PTP4A3: variants seen among roughly 807,000 people sequenced by gnomAD.
The protein encoded by PTP4A3 is protein tyrosine phosphatase type IVA 3.
A neutral mutation model predicts 15.2 loss-of-function variants in PTP4A3; 9 were observed. The ratio of observed to expected loss-of-function variants is 0.59; its 90% CI spans 0.36 to 1.03. The LOEUF is 1.03. Among genes scored for constraint, PTP4A3 ranks in the 50% least tolerant of loss-of-function variants. PTP4A3 has a pLI of 0.02. For missense variants in PTP4A3, 234 were observed against 252.1 expected (o/e 0.93, Z 0.49); for synonymous variants, 95 against 102.0 (o/e 0.93, Z 0.41).
chr8:141,394,369 G>A (rs1295910693), intron 1 of PTP4A3, among the ~76,000 whole-genome samples: 2 of 152,064 alleles, frequency 1.3e-5, no homozygotes, highest in African/African-American at 2.4e-5. Flanking sequence ...CTGACCAAAG[G>A]CTGTAACCAG....
rs201532208 is a variant in PTP4A3 at position 141,422,221 on chromosome 8, C to A, written c.-20C>A. Reference sequence around the variant, plus strand: ...TTCTCTGCAGTCCCTTCTGCCCTGCCGGGCCCGTCGGGAGGCGCCATGGCT... The same window carrying A: ...TTCTCTGCAGTCCCTTCTGCCCTGCAGGGCCCGTCGGGAGGCGCCATGGCT... On this transcript the variant is annotated 5_prime_UTR_variant, in exon 2 of 6. Transcript: ENST00000521578. The A allele has an allele frequency of 6.2e-7, 1 of 1,612,502 alleles. No homozygotes were observed. The highest frequency in any genetic ancestry group is 8.5e-7 in the Non-Finnish European group (1 of 1,179,714).
intron 1 of PTP4A3, among the ~76,000 whole-genome samples, chr8:141,420,548 C>T (rs1236342086): frequency 1.3e-5 from 2 of 152,220 alleles, no homozygotes; most frequent in Non-Finnish European, 2.9e-5. Flanking sequence ...CGCCTCCCCT[C>T]TTCAGGGCCC....
At chr8:141,402,734 TC>T (rs1413156507) in intron 1 of PTP4A3, among the ~76,000 whole-genome samples, 1 of 21,178 alleles carries the variant, frequency 4.7e-5, no homozygotes, top group Non-Finnish European at 1.0e-4. Flanking sequence ...CCCCCACCCC[TC>T]CCCCCTGCTT....
At chr8:141,426,647 G>C (rs2130288965) in intron 3 of PTP4A3, 5 of 985,448 alleles carry the variant, frequency 5.1e-6, no homozygotes, top group Non-Finnish European at 6.0e-6. Flanking sequence ...ATTAGGATTT[G>C]TGCGACTCTG....
intron 3 of PTP4A3, chr8:141,426,402 C>CGTT (rs1469496176): frequency 2.0e-6 from 2 of 980,996 alleles, no homozygotes; most frequent in African/African-American, 3.5e-5. Flanking sequence ...CCCGGTGGAA[C>CGTT]CGCCTGTTTC....
At chr8:141,400,020 G>A (rs930235200) in intron 1 of PTP4A3, among the ~76,000 whole-genome samples, 2 of 152,246 alleles carry the variant, frequency 1.3e-5, no homozygotes, top group African/African-American at 4.8e-5. Flanking sequence ...CGATTCTCCT[G>A]ACTCAGCCTC....
Position 141,431,187 on chromosome 8 carries a change from T to G in PTP4A3, c.*143T>G. ...ACATCGCCTTTTCCTCCCCGACACC[T>G]CCGTGCACTTGTGTCCGAGGAGCGA... On this transcript the variant is annotated 3_prime_UTR_variant, in exon 6 of 6. Coordinates refer to ENST00000521578, the MANE Select transcript of PTP4A3 (RefSeq NM_032611.3). 1.3e-6 allele frequency: 1 copy of G among 747,394 alleles called. No homozygotes were observed. The highest frequency in any genetic ancestry group is 2.2e-6 in the Non-Finnish European group (1 of 446,478). 46.3% of individuals were successfully genotyped at this position (747,394 alleles called of 1,614,324 possible). A position where few individuals can be genotyped will look rare whatever the true frequency, so the allele number is the denominator to read the frequency against.
In PTP4A3 at chr8:141,425,237, T is replaced by C; in HGVS notation, c.198+97T>C. On this transcript the variant is annotated intron_variant, in intron 3 of 5. Coordinates refer to ENST00000521578, the MANE Select transcript of PTP4A3 (RefSeq NM_032611.3). The surrounding 1 kb of genome is among the most constrained non-coding windows in gnomAD (Gnocchi z 4.2). The stretch of plus-strand genomic sequence containing the variant: ...TGCGCAGAGGGTTTGGTGCCCCTCC[T>C]GTGGCAGCCCTGGGCATGTCTGTGC... 2 of 1,250,420 alleles carry C rather than the reference T, an allele frequency of 1.6e-6. No individual in the cohort carries two copies. The highest frequency in any genetic ancestry group is 2.2e-6 in the Non-Finnish European group (2 of 891,018). The allele number at this position is 1,250,420 out of a possible 1,614,324, so 77.5% of individuals were successfully genotyped here. A position where few individuals can be genotyped will look rare whatever the true frequency, so the allele number is the denominator to read the frequency against.
At chr8:141,393,398 G>T (rs1310757726) in intron 1 of PTP4A3, among the ~76,000 whole-genome samples, 1 of 152,234 alleles carries the variant, frequency 6.6e-6, no homozygotes, top group Non-Finnish European at 1.5e-5. Flanking sequence ...AGGAGGAGAA[G>T]CTGCCCTGTG....
chr8:141,397,343 G>A (rs1223290205), intron 1 of PTP4A3, among the ~76,000 whole-genome samples: 1 of 152,216 alleles, frequency 6.6e-6, no homozygotes, highest in Non-Finnish European at 1.5e-5. Context: ...CTCTGAAGGA[G>A]GTCCCAGTGA....
intron 1 of PTP4A3, among the ~76,000 whole-genome samples, chr8:141,393,115 G>A (rs1360169277): frequency 6.6e-6 from 1 of 152,146 alleles, no homozygotes; most frequent in Non-Finnish European, 1.5e-5. Context: ...GACAGAAGCC[G>A]CCTGGCAGCC....
intron 5 of PTP4A3, among the ~76,000 whole-genome samples, chr8:141,429,025 C>G (rs1450394293): frequency 6.6e-6 from 1 of 152,256 alleles, no homozygotes; most frequent in Admixed American, 6.5e-5. Context: ...CTGTGTGGCT[C>G]CCCGCACCTG....
At chr8:141,427,887 C>G (rs977156008) in intron 5 of PTP4A3, 63 bp downstream of exon 5, 1 of 1,437,252 alleles carries the variant, frequency 7.0e-7, no homozygotes, top group Non-Finnish European at 9.5e-7. Flanking sequence ...CGGCTGCCCA[C>G]GAAGGGTGGC....
At chr8:141,410,081 C>T (rs1035703890) in intron 1 of PTP4A3, among the ~76,000 whole-genome samples, 7 of 152,178 alleles carry the variant, frequency 4.6e-5, no homozygotes, top group Admixed American at 1.3e-4. Flanking sequence ...GCCCCTGCTG[C>T]GGACGGTCAC....
chr8:141,406,530 T>C lies in PTP4A3; in HGVS notation c.-854+14446T>C, dbSNP rs1360673719. ...CCCTTGCTCAAGCCGCGCCCCCATC[T>C]GGATGCCCACTTCTTCCACTCTGCT... On this transcript the variant is annotated intron_variant, in intron 1 of 5. Transcript: ENST00000521578. The surrounding 1 kb of genome is among the most constrained non-coding windows in gnomAD (Gnocchi z 4.5). Among the ~76,000 whole-genome samples, 2 of 152,156 alleles carry C rather than the reference T, an allele frequency of 1.3e-5. No individual in the cohort carries two copies. Among genetic ancestry groups the C allele is most frequent in the African/African-American group, 4.8e-5 (2 of 41,448 alleles).
chr8:141,430,528 G>C (rs764273817), intron 5 of PTP4A3, among the ~76,000 whole-genome samples: 3 of 152,214 alleles, frequency 2.0e-5, no homozygotes, highest in Non-Finnish European at 2.9e-5. Context: ...AGGTCGCGCA[G>C]CTGGGCTGGA....
intron 5 of PTP4A3, among the ~76,000 whole-genome samples, chr8:141,430,482 G>A (rs909311732): frequency 8.5e-5 from 13 of 152,210 alleles, no homozygotes; most frequent in African/African-American, 3.1e-4. Flanking sequence ...GGTGGGGACA[G>A]GGTGAGCATG....
chr8:141,410,594 G>A lies in PTP4A3; in HGVS notation c.-853-10794G>A, dbSNP rs370193856. On this transcript the variant is annotated intron_variant, in intron 1 of 5. Transcript: ENST00000521578. ...TTGGAAAGGGTAATAATGTCCCTCA[G>A]ATCCCAGGAGAAAACCAAGGGCAGG... Among the ~76,000 whole-genome samples, 29 of 152,350 alleles carry A rather than the reference G, an allele frequency of 1.9e-4. No individual in the cohort carries two copies. In the East Asian group the frequency reaches 2.3e-3, roughly 12 times the overall value.
At chr8:141,403,162 C>T (rs1459249948) in intron 1 of PTP4A3, among the ~76,000 whole-genome samples, 1 of 152,220 alleles carries the variant, frequency 6.6e-6, no homozygotes, top group African/African-American at 2.4e-5. Flanking sequence ...GCCCCATCAG[C>T]CTCTCCTTCC....
Sources: allele counts gnomAD v4.1 joint callset (sites outside exome capture counted in the v4.1 genomes callset), GRCh38; gene constraint gnomAD v4.1.1; non-coding constraint Gnocchi (gnomAD v3.1); transcripts MANE v1.5; gene names NCBI Gene and HGNC (gene_info 2026-07-23, HGNC 2026-07-21).